The following IFRD1 variants were observed in gnomAD, a reference collection of about 807,000 sequenced individuals.
IFRD1 encodes interferon related developmental regulator 1.
In IFRD1, 35 loss-of-function variants were observed where a neutral mutation model predicts 52.9. That is an observed-to-expected ratio of 0.66 (90% CI 0.51 to 0.88). The LOEUF (loss-of-function observed/expected upper bound fraction) is 0.88. IFRD1 is among the 40% of genes least tolerant of loss of function. The pLI is 0.00. For synonymous variants in IFRD1, 184 were observed against 188.4 expected, an observed-to-expected ratio of 0.98 and a Z score of 0.19; for missense variants, 517 against 550.8, an observed-to-expected ratio of 0.94 and a Z score of 0.61.
In IFRD1 at chr7:112,472,356, C is replaced by A. The variant is rs777083276; in HGVS notation, c.1170+9C>A. ...TGCAGTACCACTTGCAGGTAAGTGT[C>A]ATCCTTTCTACATATTTGCTTTTAA... is the stretch of plus-strand genomic sequence containing the variant. On this transcript the variant is annotated intron_variant, in intron 10 of 11. Coordinates refer to ENST00000403825, the MANE Select transcript of IFRD1 (RefSeq NM_001550.4). The A allele has an allele frequency of 6.2e-6, 10 of 1,613,762 alleles. No individual in the cohort carries two copies. In the African/African-American group the frequency reaches 1.1e-4, roughly 17 times the overall value.
upstream of IFRD1, among the ~76,000 whole-genome samples, chr7:112,448,656 T>TA (rs1795083513): frequency 6.6e-6 from 1 of 152,204 alleles, no homozygotes; most frequent in African/African-American, 2.4e-5. Flanking sequence ...TTAAACAAAG[T>TA]AAAAGCAACC....
At position 112,450,741 on chromosome 7, in the gene IFRD1, GCGGCGGGTCAGGAGCAGCCGCAGCGA is replaced by G. The variant is rs1424296400; in HGVS notation, c.60_85del (p.Ser21AspfsTer13). On this transcript the variant is annotated frameshift_variant, in exon 1 of 12. Transcript: ENST00000403825. LOFTEE classifies it high-confidence loss of function. ...CCCCACCGCGGTAGCAGTGCTGGCG[GCGGCGGGTCAGGAGCAGCCGCAGCGA>G]CGGCGGCGACAGCAGGTAAGGGGTA... 9 of 1,612,434 alleles carry G rather than the reference GCGGCGGGTCAGGAGCAGCCGCAGCGA, an allele frequency of 5.6e-6. No homozygotes were observed. The highest frequency in any genetic ancestry group is 7.6e-6 in the Non-Finnish European group (9 of 1,179,770).
intron 11 of IFRD1, among the ~76,000 whole-genome samples, chr7:112,475,032 C>T (rs1378532389): frequency 6.6e-6 from 1 of 151,918 alleles, no homozygotes; most frequent in African/African-American, 2.4e-5. Context: ...GATCTCGGCT[C>T]ACTGCAACCT....
chr7:112,442,354 A>T (rs545461203), intron 1 of IFRD1, among the ~76,000 whole-genome samples: 19 of 152,204 alleles, frequency 1.2e-4, no homozygotes, highest in Non-Finnish European at 2.5e-4. Context: ...CTTTGGTTTA[A>T]TATAAGGAGT....
chr7:112,453,839 T>G (rs375881905), intron 1 of IFRD1, among the ~76,000 whole-genome samples: 86 of 152,286 alleles, frequency 5.6e-4, no homozygotes, highest in African/African-American at 2.0e-3. Context: ...CTAAATTCTC[T>G]GTTTTGATTT....
chr7:112,475,748 AATTT>A lies in IFRD1; in HGVS notation c.*236_*239del. ...TAAAGTATTTGTAATGTTTGGTCAT[AATTT>A]ATTTATGAAGACAGCAAAAGACTGA... is the stretch of plus-strand genomic sequence containing the variant. On this transcript the variant is annotated 3_prime_UTR_variant, in exon 12 of 12. Transcript: ENST00000403825. 2 of 466,830 alleles carry A rather than the reference AATTT, an allele frequency of 4.3e-6. No individual in the cohort carries two copies. Among genetic ancestry groups the A allele is most frequent in the Non-Finnish European group, 7.6e-6 (2 of 263,678 alleles). The allele number at this position is 466,830 out of a possible 1,614,324, so 28.9% of individuals were successfully genotyped here. A position where few individuals can be genotyped will look rare whatever the true frequency, so the allele number is the denominator to read the frequency against.
chr7:112,467,836 G>A lies in IFRD1; in HGVS notation c.907-145G>A, dbSNP rs914135720. 9.0e-6 allele frequency: 7 copies of A among 776,928 alleles called. No homozygotes were observed. The South Asian group carries it at 9.1e-5, about 10-fold the overall frequency. The allele number at this position is 776,928 out of a possible 1,614,324, so 48.1% of individuals were successfully genotyped here. ...TTTGCATGAAAACATGTGTTTATGT[G>A]TGCCTAGTCCCTAAATACCATGAAG... On this transcript the variant is annotated intron_variant, in intron 8 of 11. Coordinates refer to ENST00000403825, the MANE Select transcript of IFRD1 (RefSeq NM_001550.4).
At chr7:112,453,922 A>G (rs1795225186) in intron 1 of IFRD1, among the ~76,000 whole-genome samples, 1 of 152,210 alleles carries the variant, frequency 6.6e-6, no homozygotes, top group Non-Finnish European at 1.5e-5. Flanking sequence ...GCATTAAAAA[A>G]AAACCGTTAA....
chr7:112,469,178 T>C (rs963411988), intron 9 of IFRD1, among the ~76,000 whole-genome samples: 1 of 152,208 alleles, frequency 6.6e-6, no homozygotes, highest in Admixed American at 6.6e-5. Flanking sequence ...GTCATTCAAC[T>C]TGATGTGTGT....
chr7:112,461,501 CAT>C (rs1795431926), intron 5 of IFRD1: 1 of 164,246 alleles, frequency 6.1e-6, no homozygotes, highest in South Asian at 1.7e-4. Context: ...GCTTTACTGA[CAT>C]AGACTCATAA....
At position 112,431,953 on chromosome 7, in the gene IFRD1, A is replaced by G. The variant is rs75514949; in HGVS notation, c.-182+8521A>G. ...CATCTACATCCTATGTGCTCAATAC[A>G]TATTTACTAAACAAACAAGTGATTC... On this transcript the variant is annotated intron_variant, in intron 1 of 12. Transcript: ENST00000005558. Among the ~76,000 whole-genome samples the G allele has an allele frequency of 9.0e-3, 1,376 of 152,320 alleles. 26 individuals carry two copies. The highest frequency in any genetic ancestry group is 0.032 in the African/African-American group (1,321 of 41,570).
intron 1 of IFRD1, among the ~76,000 whole-genome samples, chr7:112,425,312 T>C (rs989786546): frequency 1.3e-5 from 2 of 152,176 alleles, no homozygotes; most frequent in Admixed American, 6.5e-5. Flanking sequence ...TGTGAGGTTT[T>C]CCAGAGATTA....
At chr7:112,432,315 T>A (rs1292586773) in intron 1 of IFRD1, among the ~76,000 whole-genome samples, 4 of 152,324 alleles carry the variant, frequency 2.6e-5, no homozygotes, top group Admixed American at 2.6e-4. Context: ...CAACCATGTG[T>A]CAGGATCTGT....
At chr7:112,474,486 C>G (rs1795841860) in intron 11 of IFRD1, among the ~76,000 whole-genome samples, 2 of 152,090 alleles carry the variant, frequency 1.3e-5, no homozygotes, top group South Asian at 4.1e-4. Flanking sequence ...GATATTTTAT[C>G]AGTTTTATAT....
chr7:112,452,259 C>A, intron 1 of IFRD1: 1 of 342,932 alleles, frequency 2.9e-6, no homozygotes, highest in Non-Finnish European at 4.1e-6. Flanking sequence ...AACTCCTGGG[C>A]TCAAGCAGCT....
At chr7:112,439,551 T>G (rs190068877) in intron 1 of IFRD1, among the ~76,000 whole-genome samples, 18 of 152,346 alleles carry the variant, frequency 1.2e-4, no homozygotes, top group Non-Finnish European at 2.9e-5. Context: ...TGTTGGTTAA[T>G]TCAGTGACTC....
At chr7:112,450,351 T>A (rs866051730), upstream of IFRD1, 7 of 305,472 alleles carry the variant, frequency 2.3e-5, no homozygotes, top group Middle Eastern at 1.0e-3. Context: ...GACGGAGGCG[T>A]CCAGTGGGGA....
At chr7:112,455,700 A>G (rs950393999) in intron 1 of IFRD1, 63 bp from the exon 2 acceptor site, 7 of 1,106,912 alleles carry the variant, frequency 6.3e-6, no homozygotes, top group Non-Finnish European at 9.7e-6. Context: ...TAAAAATTCC[A>G]AAGTTAAATA....
chr7:112,442,486 A>G (rs1794915213), intron 1 of IFRD1, among the ~76,000 whole-genome samples: 1 of 152,242 alleles, frequency 6.6e-6, no homozygotes, highest in Non-Finnish European at 1.5e-5. Flanking sequence ...GAGATAAAGA[A>G]ATGGAGGTTC....
Sources: gnomAD v4.1 joint callset for allele counts (sites outside exome capture counted in the v4.1 genomes callset) on GRCh38, gnomAD v4.1.1 for gene constraint, MANE v1.5 for transcripts, NCBI Gene and HGNC (gene_info 2026-07-23, HGNC 2026-07-21) for gene names.